Variants in SMARCD2 observed in about 807,000 individuals in gnomAD.
The protein encoded by SMARCD2 is SWI/SNF-related matrix-associated actin-dependent regulator of chromatin subfamily D member 2.
A neutral mutation model predicts 70.4 loss-of-function variants in SMARCD2; 39 were observed. That is an observed-to-expected ratio of 0.55 (90% CI 0.43 to 0.72). SMARCD2 has a LOEUF of 0.72. Ranked by LOEUF, SMARCD2 falls within the 30% of genes least tolerant of loss-of-function variation. The pLI is 0.00. For synonymous variants in SMARCD2, 249 were observed against 279.4 expected, an observed-to-expected ratio of 0.89 and a Z score of 1.08; for missense variants, 540 against 713.4, an observed-to-expected ratio of 0.76 and a Z score of 2.77.
In SMARCD2 at chr17:63,833,349, G is replaced by T. The variant is rs771767861; in HGVS notation, c.1389C>A (p.Asp463Glu). The T allele has an allele frequency of 1.2e-6, 2 of 1,613,990 alleles. No homozygotes were observed. The highest frequency in any genetic ancestry group is 1.7e-5 in the Admixed American group (1 of 60,018). The change falls in exon 11 of 13, where the codon GAC becomes GAA. Residue 463 changes from aspartate (D) to glutamate (E), a missense_variant. Asp to Glu is a conservative substitution (Grantham distance 45, BLOSUM62 2). Transcript: ENST00000448276. The surrounding 1 kb of genome is among the most constrained non-coding windows in gnomAD (Gnocchi z 4.3). ...QRDFMLSFST[D>E]PQDFIQEWLR... ...GCCATTCCTGGATGAAGTCCTGGGG[G>T]TCGGTGCTAAAACTGAGCATGAAAT...
At position 63,842,306 on chromosome 17, in the gene SMARCD2, C is replaced by A. The variant is rs1007992176; in HGVS notation, c.216+153G>T. ...CCCCTTCCCACTTCTCCACCGCGAC[C>A]CGCCGCAGCCCGAGGGTCCCGGCCC... On this transcript the variant is annotated intron_variant, in intron 1 of 12. Transcript: ENST00000448276. 6.1e-6 allele frequency: 7 copies of A among 1,139,592 alleles called. No individual in the cohort carries two copies. The African/African-American group carries it at 8.2e-5, about 13-fold the overall frequency. The allele number at this position is 1,139,592 out of a possible 1,614,324, so 70.6% of individuals were successfully genotyped here. A position where few individuals can be genotyped will look rare whatever the true frequency, so the allele number is the denominator to read the frequency against.
Position 63,838,473 on chromosome 17 carries a change from C to T in SMARCD2, c.217-848G>A, listed in dbSNP as rs1388136816. 2.2e-5 allele frequency: 17 copies of T among 756,178 alleles called. No individual in the cohort carries two copies. In the South Asian group the frequency reaches 3.1e-4, roughly 14 times the overall value. 46.8% of individuals were successfully genotyped at this position (756,178 alleles called of 1,614,324 possible). ...TGGCAGCCAGGACTGGCTCTGGCTC[C>T]GTGTAGCCCTGGCAATCCCAAGCTG... On this transcript the variant is annotated intron_variant, in intron 1 of 12. Coordinates refer to ENST00000448276, the MANE Select transcript of SMARCD2 (RefSeq NM_001098426.2).
rs1904343418 is a variant in SMARCD2, at chr17:63,839,266, T to TACCCAC, written c.217-1642_217-1641insGTGGGT. The TACCCAC allele has an allele frequency of 3.0e-6, 3 of 985,096 alleles. No homozygotes were observed. The South Asian group carries it at 1.4e-4, about 46-fold the overall frequency. The allele number at this position is 985,096 out of a possible 1,614,324, so 61.0% of individuals were successfully genotyped here. A position where few individuals can be genotyped will look rare whatever the true frequency, so the allele number is the denominator to read the frequency against. On this transcript the variant is annotated intron_variant, in intron 1 of 12. Coordinates refer to ENST00000448276, the MANE Select transcript of SMARCD2 (RefSeq NM_001098426.2). Reference sequence around the variant, plus strand: ...CAAAGACAGGGAAGAACTGAAGCAGTGGGTCCTGCAGAGGTGAGCGAGGGC... The same window carrying TACCCAC: ...CAAAGACAGGGAAGAACTGAAGCAGTACCCACGGGTCCTGCAGAGGTGAGCGAGGGC...
chr17:63,837,035 G>A lies in SMARCD2; in HGVS notation c.454C>T (p.Leu152Phe). Residue 152 changes from leucine to phenylalanine, a missense_variant, in exon 4 of 13, where the codon CTT becomes TTT. Coordinates refer to ENST00000448276, the MANE Select transcript of SMARCD2 (RefSeq NM_001098426.2). The surrounding 1 kb of genome is among the most constrained non-coding windows in gnomAD (Gnocchi z 6.4). Reference protein sequence around the residue: ...DKVLPQRIRELVPESQAYMDL... With the variant: ...DKVLPQRIREFVPESQAYMDL... ...ATGTACGCCTGAGACTCTGGAACAA[G>A]CTCCCGGATCTGAAGGAAGGTAGCA... 1 of 1,613,472 alleles carries A rather than the reference G, an allele frequency of 6.2e-7. No homozygotes were observed. Among genetic ancestry groups the A allele is most frequent in the South Asian group, 1.1e-5 (1 of 91,086 alleles).
intron 4 of SMARCD2, chr17:63,836,621 T>A (rs530150175): frequency 7.8e-6 from 2 of 256,030 alleles, no homozygotes; most frequent in African/African-American, 2.2e-5. Context: ...CCATAAGATT[T>A]ACATTTTCAA....
At chr17:63,835,125 C>G in intron 5 of SMARCD2, 1 of 533,824 alleles carries the variant, frequency 1.9e-6, no homozygotes, top group African/African-American at 1.9e-5. Context: ...AGTGTCTGGC[C>G]CAGTCTTTTT....
In SMARCD2 at chr17:63,835,575, G is replaced by C. The variant is rs376016655; in HGVS notation, c.568-8C>G. On this transcript the variant is annotated splice_region_variant and splice_polypyrimidine_tract_variant and intron_variant, in intron 4 of 12. Coordinates refer to ENST00000448276, the MANE Select transcript of SMARCD2 (RefSeq NM_001098426.2). The stretch of plus-strand genomic sequence containing the variant: ...CCGAAGCTTTCGCTTTTGCTAAAGA[G>C]AGAAAGGCAATCACAACTGGAGGTG... The C allele has an allele frequency of 1.2e-6, 2 of 1,613,376 alleles. No individual in the cohort carries two copies. The highest frequency in any genetic ancestry group is 2.7e-5 in the African/African-American group (2 of 74,914).
intron 1 of SMARCD2, chr17:63,839,139 T>C (rs1904339572): frequency 2.0e-6 from 2 of 985,286 alleles, no homozygotes; most frequent in South Asian, 4.7e-5. Flanking sequence ...GCCTTAAAGA[T>C]TGTTCTTTCT....
Position 63,837,273 on chromosome 17 carries a change from G to T in SMARCD2, c.402-36C>A. On this transcript the variant is annotated intron_variant, in intron 2 of 12. Coordinates refer to ENST00000448276, the MANE Select transcript of SMARCD2 (RefSeq NM_001098426.2). The surrounding 1 kb of genome is among the most constrained non-coding windows in gnomAD (Gnocchi z 6.4). ...CAGAAACCCACTTAAGAGGTCAATG[G>T]TCCAAAAAAGGACACTCACTCCCAT... 6.2e-7 allele frequency: 1 copy of T among 1,606,204 alleles called. No individual in the cohort carries two copies. The highest frequency in any genetic ancestry group is 8.5e-7 in the Non-Finnish European group (1 of 1,172,982).
rs773996597 is a variant in SMARCD2, at chr17:63,832,718, A to C, written c.*220T>G. 1.2e-4 allele frequency: 68 copies of C among 588,452 alleles called. No individual in the cohort carries two copies. Among genetic ancestry groups the C allele is most frequent in the Non-Finnish European group, 1.9e-4 (62 of 328,748 alleles). The allele number at this position is 588,452 out of a possible 1,614,324, so 36.5% of individuals were successfully genotyped here. ...GGGCCTGCCTGCAGGGGGGCAGAGG[A>C]GGCATCTGCTGAACCCAATTAAAGC... is the stretch of plus-strand genomic sequence containing the variant. On this transcript the variant is annotated 3_prime_UTR_variant, in exon 13 of 13. Transcript: ENST00000448276.
intron 1 of SMARCD2, among the ~76,000 whole-genome samples, chr17:63,841,370 A>G (rs1374977080): frequency 6.6e-6 from 1 of 152,202 alleles, no homozygotes; most frequent in Non-Finnish European, 1.5e-5. Flanking sequence ...CTGCCTGGAG[A>G]CATGAGTCGA....
rs376016655 is a variant in SMARCD2 at position 63,835,575 on chromosome 17, G to A, written c.568-8C>T. On this transcript the variant is annotated splice_region_variant and splice_polypyrimidine_tract_variant and intron_variant, in intron 4 of 12. Coordinates refer to ENST00000448276, the MANE Select transcript of SMARCD2 (RefSeq NM_001098426.2). ...CCGAAGCTTTCGCTTTTGCTAAAGAGAGAAAGGCAATCACAACTGGAGGTG... is the reference window on the plus strand; with the variant it reads ...CCGAAGCTTTCGCTTTTGCTAAAGAAAGAAAGGCAATCACAACTGGAGGTG... 4 of 1,613,494 alleles carry A rather than the reference G, an allele frequency of 2.5e-6. No homozygotes were observed. The highest frequency in any genetic ancestry group is 3.4e-6 in the Non-Finnish European group (4 of 1,179,592).
chr17:63,839,312 C>T (rs1904347421), intron 1 of SMARCD2: 1 of 868,322 alleles, frequency 1.2e-6, no homozygotes, highest in Non-Finnish European at 1.4e-6. Context: ...CCAGGAAGCT[C>T]CCTGCTGCAG....
chr17:63,842,604 G>A lies in SMARCD2; in HGVS notation c.71C>T (p.Ala24Val), dbSNP rs547749828. ...LSPGGGAVAA[A>V]LGAPPPPAGP... ...CGCGGGGGGAGGCGGCGCTCCCAGG[G>A]CCGCAGCCACGGCGCCGCCGCCAGG... The change falls in exon 1 of 13, where the codon GCC becomes GTC. Residue 24 changes from alanine to valine, a missense_variant. Transcript: ENST00000448276. The A allele has an allele frequency of 1.8e-3, 2,173 of 1,222,912 alleles. 26 individuals carry two copies. In the African/African-American group the frequency reaches 0.027, roughly 15 times the overall value. 75.8% of individuals were successfully genotyped at this position (1,222,912 alleles called of 1,614,324 possible). A position where few individuals can be genotyped will look rare whatever the true frequency, so the allele number is the denominator to read the frequency against.
chr17:63,835,519 T>C lies in SMARCD2; in HGVS notation c.616A>G (p.Lys206Glu). The change falls in exon 5 of 13, where the codon AAG (lysine) becomes GAG (glutamate). Residue 206 changes from lysine (K) to glutamate (E), a missense_variant. Physicochemically the swap from Lys to Glu is moderately conservative, Grantham distance 56 (BLOSUM62 1). Coordinates refer to ENST00000448276, the MANE Select transcript of SMARCD2 (RefSeq NM_001098426.2). ...IYISNTFSPS[K>E]AEGDSAGTAG... is the part of the protein sequence containing the mutation. The stretch of plus-strand genomic sequence containing the variant: ...GTTCCTGCACTATCGCCTTCCGCCT[T>C]GCTGGGACTGAACGTATTGGAAATG... 6.2e-7 allele frequency: 1 copy of C among 1,614,054 alleles called. No individual in the cohort carries two copies. Among genetic ancestry groups the C allele is most frequent in the South Asian group, 1.1e-5 (1 of 91,092 alleles).
intron 1 of SMARCD2, chr17:63,838,767 A>C (rs1300877862): frequency 5.7e-5 from 73 of 1,275,284 alleles, no homozygotes; most frequent in Non-Finnish European, 6.8e-5. Flanking sequence ...CAGGGCCCAG[A>C]TTATGCAACG....
Position 63,842,462 on chromosome 17 carries a change from G to A in SMARCD2, c.213C>T (p.Tyr71=), listed in dbSNP as rs1904507501. The change falls in exon 1 of 13, where the codon TAC becomes TAT. Residue 71 remains tyrosine (Y), a synonymous_variant. Transcript: ENST00000448276. ...PMGPAGPAAQ[Y]QRPGMSPGNR... ...CGCTCGCGTCCTCCTTGCTCACCTG[G>A]TACTGCGCCGCGGGGCCCGCGGGGC... is the stretch of plus-strand genomic sequence containing the variant. 2.3e-6 allele frequency: 3 copies of A among 1,288,702 alleles called. No individual in the cohort carries two copies. The South Asian group carries it at 6.7e-5, about 29-fold the overall frequency. The allele number at this position is 1,288,702 out of a possible 1,614,324, so 79.8% of individuals were successfully genotyped here.
At chr17:63,838,235 G>C (rs1388484515) in intron 1 of SMARCD2, among the ~76,000 whole-genome samples, 2 of 151,954 alleles carry the variant, frequency 1.3e-5, no homozygotes, top group African/African-American at 4.8e-5. Flanking sequence ...TGGTGGGGGT[G>C]GCCTCGGGCA....
rs768626743 is a variant in SMARCD2, at chr17:63,837,427, C to G, written c.401+14G>C. ...GCTGAGTTAGGCAGAGTGAGAGAAG[C>G]AGGATGCTCTTACCCCCGGCGCTGG... is the stretch of plus-strand genomic sequence containing the variant. On this transcript the variant is annotated intron_variant, in intron 2 of 12. Coordinates refer to ENST00000448276, the MANE Select transcript of SMARCD2 (RefSeq NM_001098426.2). The surrounding 1 kb of genome is among the most constrained non-coding windows in gnomAD (Gnocchi z 6.4). 3.2e-6 allele frequency: 5 copies of G among 1,570,474 alleles called. No homozygotes were observed. The highest frequency in any genetic ancestry group is 3.5e-6 in the Non-Finnish European group (4 of 1,156,256).
Sources: allele counts gnomAD v4.1 joint callset (sites outside exome capture counted in the v4.1 genomes callset), GRCh38; gene constraint gnomAD v4.1.1; non-coding constraint Gnocchi (gnomAD v3.1); transcripts MANE v1.5; gene names NCBI Gene and HGNC (gene_info 2026-07-23, HGNC 2026-07-21).